The following GDAP2 variants were observed in gnomAD, a reference collection of about 807,000 sequenced individuals.
GDAP2 encodes ganglioside induced differentiation associated protein 2.
Under a neutral mutation model 67.0 loss-of-function variants are expected in GDAP2, and 51 were observed. The observed-to-expected ratio is 0.76, with a 90% CI of 0.61 to 0.96. GDAP2 has a LOEUF of 0.96. Among genes scored for constraint, GDAP2 ranks in the 40% least tolerant of loss-of-function variants. The pLI is 0.00. For missense variants in GDAP2, 547 were observed against 588.3 expected (o/e 0.93, Z 0.73); for synonymous variants, 203 against 207.3 (o/e 0.98, Z 0.18).
chr1:117,878,072 CAG>C lies in GDAP2; in HGVS notation c.1381_1382del (p.Leu461ValfsTer10). Reference protein sequence around the residue: ...KIHHVDSLHQLFSAISPEQID... With the variant: ...KIHHVDSLHQXFSAISPEQID... ...TCTGTTCTGGTGATATGGCAGAAAA[CAG>C]CTGGTGGAGGCTGTCCACATGGTGG... On this transcript the variant is annotated frameshift_variant, in exon 13 of 14. Transcript: ENST00000369443. LOFTEE classifies it high-confidence loss of function. 1 of 1,612,538 alleles carries C rather than the reference CAG, an allele frequency of 6.2e-7. No individual in the cohort carries two copies. Among genetic ancestry groups the C allele is most frequent in the Non-Finnish European group, 8.5e-7 (1 of 1,178,762 alleles).
At chr1:117,908,000 A>G (rs1649719058) in intron 5 of GDAP2, among the ~76,000 whole-genome samples, 1 of 151,972 alleles carries the variant, frequency 6.6e-6, no homozygotes, top group African/African-American at 2.4e-5. Flanking sequence ...CTTTAGCCAA[A>G]TCTACTTTGC....
At chr1:117,898,272 CA>C (rs1255353264) in intron 7 of GDAP2, among the ~76,000 whole-genome samples, 1 of 152,156 alleles carries the variant, frequency 6.6e-6, no homozygotes, top group Non-Finnish European at 1.5e-5. Flanking sequence ...GAGGCTCACC[CA>C]AAGTGCATGA....
intron 1 of GDAP2, among the ~76,000 whole-genome samples, chr1:117,920,979 G>C (rs1650230655): frequency 6.6e-6 from 1 of 152,164 alleles, no homozygotes; most frequent in Non-Finnish European, 1.5e-5. Context: ...CAATTTACAG[G>C]ATATGGTGTG....
At position 117,912,583 on chromosome 1, in the gene GDAP2, T is replaced by A; in HGVS notation, c.417A>T (p.Thr139=). The A allele has an allele frequency of 6.2e-7, 1 of 1,613,762 alleles. No individual in the cohort carries two copies. Among genetic ancestry groups the A allele is most frequent in the South Asian group, 1.1e-5 (1 of 91,072 alleles). ...AGCTATAAAGGGAACTCTCAGCTGC[T>A]GTGCGATAGCGGCTTTTATATTTAG... ...VGPKYKSRYR[T]AAESSLYSCY... Residue 139 remains threonine (T), a synonymous_variant, in exon 4 of 14, where the codon ACA becomes ACT. Transcript: ENST00000369443.
chr1:117,871,695 C>T (rs934037014), intron 13 of GDAP2, among the ~76,000 whole-genome samples: 16 of 152,156 alleles, frequency 1.1e-4, no homozygotes, highest in African/African-American at 3.6e-4. Flanking sequence ...ACCAGGAAAA[C>T]AAGACATCTA....
At position 117,877,672 on chromosome 1, in the gene GDAP2, G is replaced by A. The variant is rs1648510494; in HGVS notation, c.1446+337C>T. The A allele has an allele frequency of 2.9e-6, 3 of 1,031,136 alleles. No homozygotes were observed. In the East Asian group the frequency reaches 2.4e-4, roughly 82 times the overall value. The allele number at this position is 1,031,136 out of a possible 1,614,324, so 63.9% of individuals were successfully genotyped here. On this transcript the variant is annotated intron_variant, in intron 13 of 13. Transcript: ENST00000369443. ...ATCACCAATAAATTCTTCTGGCTCTGTGTAGATGGAAAGCCATTCAATCTT... is the reference window on the plus strand; with the variant it reads ...ATCACCAATAAATTCTTCTGGCTCTATGTAGATGGAAAGCCATTCAATCTT...
At chr1:117,911,456 C>G (rs2101154115) in intron 5 of GDAP2, among the ~76,000 whole-genome samples, 1 of 152,286 alleles carries the variant, frequency 6.6e-6, no homozygotes, top group South Asian at 2.1e-4. Context: ...GATTTAACTA[C>G]TCAATGCATT....
At chr1:117,914,642 A>G (rs796844940) in intron 3 of GDAP2, among the ~76,000 whole-genome samples, 32 of 152,294 alleles carry the variant, frequency 2.1e-4, no homozygotes, top group African/African-American at 7.7e-4. Context: ...ATTTAAGAGC[A>G]CTAAGAAACA....
chr1:117,904,229 T>G (rs371513951), intron 6 of GDAP2, among the ~76,000 whole-genome samples: 14 of 152,170 alleles, frequency 9.2e-5, no homozygotes, highest in African/African-American at 2.9e-4. Context: ...CCTCTGGTGA[T>G]CCACCTGCCT....
At chr1:117,904,961 G>A (rs1013054869) in intron 6 of GDAP2, among the ~76,000 whole-genome samples, 1 of 152,082 alleles carries the variant, frequency 6.6e-6, no homozygotes, top group African/African-American at 2.4e-5. Context: ...TATCTCAATG[G>A]TGGCATCATT....
Position 117,872,504 on chromosome 1 carries a change from G to A in GDAP2, c.1447-1888C>T, listed in dbSNP as rs1275617573. 2.6e-5 allele frequency among the ~76,000 whole-genome samples: 4 copies of A among 152,154 alleles called. No individual in the cohort carries two copies. In the East Asian group the frequency reaches 7.7e-4, roughly 29 times the overall value. On this transcript the variant is annotated intron_variant, in intron 13 of 13. Transcript: ENST00000369443. ...GTACATATATGCCATGGAATACTATGTAGCCATAAAAAGGAATGAGATCAT... is the reference window on the plus strand; with the variant it reads ...GTACATATATGCCATGGAATACTATATAGCCATAAAAAGGAATGAGATCAT...
chr1:117,903,896 G>C (rs1649568208), intron 6 of GDAP2, among the ~76,000 whole-genome samples: 1 of 152,026 alleles, frequency 6.6e-6, no homozygotes, highest in Non-Finnish European at 1.5e-5. Context: ...AAGATTTACT[G>C]TATAAGGTAA....
intron 9 of GDAP2, 54 bp downstream of exon 9, chr1:117,887,644 C>A: frequency 3.4e-6 from 3 of 872,044 alleles, no homozygotes; most frequent in Non-Finnish European, 4.0e-6. Context: ...AAATAGCATG[C>A]TTGGTAGGGC....
Position 117,910,243 on chromosome 1 carries a change from A to G in GDAP2, c.559+1751T>C, listed in dbSNP as rs1649806227. 5.9e-5 allele frequency among the ~76,000 whole-genome samples: 9 copies of G among 151,880 alleles called. No homozygotes were observed. The South Asian group carries it at 8.3e-4, about 14-fold the overall frequency. On this transcript the variant is annotated intron_variant, in intron 5 of 13. Coordinates refer to ENST00000369443, the MANE Select transcript of GDAP2 (RefSeq NM_017686.4). ...TCTGCATAACCCTCATAACAGGAGA[A>G]ATTTCTGAGACCTTTTATTTGTACA...
Position 117,882,555 on chromosome 1 carries a change from T to A in GDAP2, c.1248-678A>T, listed in dbSNP as rs372961306. ...TTTTTCAACAGTTCAGTAATCAACA[T>A]TGGGTCACGTGAAGTTAATTGGAAA... On this transcript the variant is annotated intron_variant, in intron 11 of 13. Transcript: ENST00000369443. Among the ~76,000 whole-genome samples, 9 of 152,100 alleles carry A rather than the reference T, an allele frequency of 5.9e-5. No homozygotes were observed. The South Asian group carries it at 1.0e-3, about 18-fold the overall frequency.
rs1403177348 is a variant in GDAP2, at chr1:117,866,822, C to T, written c.*3747G>A. On this transcript the variant is annotated 3_prime_UTR_variant, in exon 14 of 14. Transcript: ENST00000369443. ...TGAGCCGAGATCGTGCCATTGCACT[C>T]CAGCCTGGGTGACCAAAAAAAAAAA... The T allele has an allele frequency of 1.3e-5, 2 of 149,470 alleles. No homozygotes were observed. The highest frequency in any genetic ancestry group is 3.0e-5 in the Non-Finnish European group (2 of 67,648). The allele number at this position is 149,470 out of a possible 1,614,324, so 9.3% of individuals were successfully genotyped here.
intron 13 of GDAP2, among the ~76,000 whole-genome samples, chr1:117,874,694 A>G (rs549022635): frequency 3.3e-5 from 5 of 152,342 alleles, no homozygotes; most frequent in African/African-American, 1.2e-4. Context: ...GACAACAGAA[A>G]GACTTAGGGA....
chr1:117,910,227 C>T lies in GDAP2; in HGVS notation c.559+1767G>A, dbSNP rs147530479. 5.0e-4 allele frequency among the ~76,000 whole-genome samples: 76 copies of T among 152,088 alleles called. 2 individuals carry two copies. Among genetic ancestry groups the T allele is most frequent in the Admixed American group, 4.7e-3 (72 of 15,282 alleles). On this transcript the variant is annotated intron_variant, in intron 5 of 13. Coordinates refer to ENST00000369443, the MANE Select transcript of GDAP2 (RefSeq NM_017686.4). Reference sequence around the variant, plus strand: ...GGATATATGCTCCAAGTCTGCATAACCCTCATAACAGGAGAAATTTCTGAG... The same window carrying T: ...GGATATATGCTCCAAGTCTGCATAATCCTCATAACAGGAGAAATTTCTGAG...
At chr1:117,927,877 T>G (rs1374179289) in intron 1 of GDAP2, among the ~76,000 whole-genome samples, 1 of 152,234 alleles carries the variant, frequency 6.6e-6, no homozygotes, top group African/African-American at 2.4e-5. Context: ...AACTGCACTA[T>G]GTTTTAATTG....
Sources: allele counts gnomAD v4.1 joint callset (sites outside exome capture counted in the v4.1 genomes callset), GRCh38; gene constraint gnomAD v4.1.1; transcripts MANE v1.5; gene names NCBI Gene and HGNC (gene_info 2026-07-23, HGNC 2026-07-21).